Variants in GRTP1 observed in about 807,000 individuals in gnomAD.
GRTP1 encodes growth hormone regulated TBC protein 1.
A neutral mutation model predicts 38.1 loss-of-function variants in GRTP1; 56 were observed. That is an observed-to-expected ratio of 1.47 (90% CI 1.19 to 1.84). The LOEUF (loss-of-function observed/expected upper bound fraction) is 1.84. Among genes scored for constraint, GRTP1 ranks in the 40% most tolerant of loss-of-function variants. The probability of loss-of-function intolerance (pLI) is 0.00; values close to 1 mark genes in which losing one functional copy is unlikely to be tolerated. For synonymous variants in GRTP1, 217 were observed against 189.5 expected (o/e 1.14, Z -1.19); for missense variants, 506 against 453.9 (o/e 1.11, Z -1.04).
At position 113,363,879 on chromosome 13, in the gene GRTP1, C is replaced by T; in HGVS notation, c.64G>A (p.Asp22Asn). ...IDPYGFERPEDFDDAAYEKFF... is the reference protein window; with the variant it reads ...IDPYGFERPENFDDAAYEKFF... ...TTCTCGTAGGCGGCGTCGTCGAAGT[C>T]CTCAGGCCGCTCGAATCCGTACGGG... The change falls in exon 2 of 8, where the codon GAC (aspartate) becomes AAC (asparagine). Residue 22 changes from aspartate (D) to asparagine (N), a missense_variant. By Grantham distance (23) the Asp-to-Asn change is conservative. Transcript: ENST00000375431. 2 of 1,611,826 alleles carry T rather than the reference C, an allele frequency of 1.2e-6. No homozygotes were observed. The highest frequency in any genetic ancestry group is 8.5e-7 in the Non-Finnish European group (1 of 1,179,592).
chr13:113,362,946 G>A (rs1430342184), intron 2 of GRTP1, among the ~76,000 whole-genome samples: 1 of 152,180 alleles, frequency 6.6e-6, no homozygotes, highest in African/African-American at 2.4e-5. Context: ...GAACACACAG[G>A]GAAGTCGCCT....
At position 113,324,471 on chromosome 13, in the gene GRTP1, G is replaced by T. The variant is rs756049868; in HGVS notation, c.*17C>A. The T allele has an allele frequency of 5.6e-6, 9 of 1,595,240 alleles. No individual in the cohort carries two copies. Among genetic ancestry groups the T allele is most frequent in the Non-Finnish European group, 5.1e-6 (6 of 1,171,354 alleles). ...CATCGTCAGTGTAGAGACGAGCAAC[G>T]CAGGGGACAGGCACGCTCACCCCTG... On this transcript the variant is annotated 3_prime_UTR_variant, in exon 8 of 8. Coordinates refer to ENST00000375431, the MANE Select transcript of GRTP1 (RefSeq NM_024719.4).
rs112394466 is a variant in GRTP1, at chr13:113,364,006, C to G, written c.32+14G>C. The stretch of plus-strand genomic sequence containing the variant: ...CCGCAGCCGCCGGGGACGCCCGCAC[C>G]CCGCGCCACACACCTGGGGACCCGC... On this transcript the variant is annotated intron_variant, in intron 1 of 7. Transcript: ENST00000375431. The G allele has an allele frequency of 1.4e-6, 2 of 1,465,336 alleles. No individual in the cohort carries two copies. Among genetic ancestry groups the G allele is most frequent in the Non-Finnish European group, 9.0e-7 (1 of 1,112,218 alleles). The allele number at this position is 1,465,336 out of a possible 1,614,324, so 90.8% of individuals were successfully genotyped here. A position where few individuals can be genotyped will look rare whatever the true frequency, so the allele number is the denominator to read the frequency against.
chr13:113,339,382 C>T (rs1185751302), intron 5 of GRTP1: 2 of 152,208 alleles, frequency 1.3e-5, no homozygotes, highest in East Asian at 3.8e-4. Flanking sequence ...ATTATCAATG[C>T]CTTTTATACT....
chr13:113,333,856 T>TA, intron 5 of GRTP1, among the ~76,000 whole-genome samples: 2 of 133,812 alleles, frequency 1.5e-5, no homozygotes, highest in African/African-American at 2.7e-5. Flanking sequence ...TGTGTGTGTG[T>TA]GTGTGTGTGT....
At position 113,350,904 on chromosome 13, in the gene GRTP1, A is replaced by G. The variant is rs1566436118; in HGVS notation, c.410T>C (p.Leu137Pro). The G allele has an allele frequency of 6.2e-7, 1 of 1,611,514 alleles. No individual in the cohort carries two copies. The highest frequency in any genetic ancestry group is 1.1e-5 in the South Asian group (1 of 90,970). The change falls in exon 4 of 8, where the codon CTG becomes CCG. Residue 137 changes from leucine (L) to proline (P), a missense_variant. Transcript: ENST00000375431. ...KTTDPCLQRT[L>P]YNVLLAYGHH... is the part of the protein sequence containing the mutation. ...CCCATATGCCAGCAGCACATTGTAC[A>G]GGGTCCTCTGTAAGCAGGGGTCCGT... is the stretch of plus-strand genomic sequence containing the variant.
At position 113,324,874 on chromosome 13, in the gene GRTP1, T is replaced by C. The variant is rs899429258; in HGVS notation, c.922-297A>G. The C allele has an allele frequency of 1.4e-5, 13 of 939,188 alleles. No individual in the cohort carries two copies. The African/African-American group carries it at 1.6e-4, about 12-fold the overall frequency. The allele number at this position is 939,188 out of a possible 1,614,324, so 58.2% of individuals were successfully genotyped here. Reference sequence around the variant, plus strand: ...CAGAGTCTCACTCTGTTGCCCAGGCTGGAGTGCAGTGGCGCGATCTCGGCT... The same window carrying C: ...CAGAGTCTCACTCTGTTGCCCAGGCCGGAGTGCAGTGGCGCGATCTCGGCT... On this transcript the variant is annotated intron_variant, in intron 7 of 7. Transcript: ENST00000375431.
chr13:113,346,479 C>T (rs1458999715), intron 4 of GRTP1, among the ~76,000 whole-genome samples: 1 of 10,242 alleles, frequency 9.8e-5, no homozygotes, highest in African/African-American at 1.1e-4. Context: ...CCCGGGAGGA[C>T]CTCTGTGCCT....
intron 2 of GRTP1, 69 bp from the exon 3 acceptor site, chr13:113,355,550 A>G (rs1294063326): frequency 3.4e-6 from 5 of 1,465,936 alleles, no homozygotes; most frequent in Non-Finnish European, 4.5e-6. Context: ...CGTTCCTGCC[A>G]CACTTTCCAC....
intron 3 of GRTP1, chr13:113,351,639 T>C (rs2043268617): frequency 6.5e-6 from 1 of 152,812 alleles, no homozygotes; most frequent in Admixed American, 6.5e-5. Flanking sequence ...GGGACCCGGA[T>C]ACCACGTGGG....
chr13:113,324,783 TAAATG>T, intron 7 of GRTP1: 1 of 1,317,068 alleles, frequency 7.6e-7, no homozygotes, highest in Non-Finnish European at 9.6e-7. Context: ...TCAGAAATGT[TAAATG>T]AATCAAACGG....
intron 2 of GRTP1, 101 bp from the exon 3 acceptor site, chr13:113,355,582 A>C: frequency 7.5e-7 from 1 of 1,339,112 alleles, no homozygotes; most frequent in Non-Finnish European, 9.9e-7. Context: ...CTCTTCTTAA[A>C]TCAAATATTA....
In GRTP1 at chr13:113,343,788, G is replaced by T. The variant is rs769426874; in HGVS notation, c.562+1075C>A. The stretch of plus-strand genomic sequence containing the variant: ...GGCTCCAAACACTGGGGACTGGCCC[G>T]GCTGCCCCTCACGTCTCCTCTGCCC... On this transcript the variant is annotated intron_variant, in intron 5 of 7. Coordinates refer to ENST00000375431, the MANE Select transcript of GRTP1 (RefSeq NM_024719.4). This position sits in a 1 kb window ranked among gnomAD's most constrained non-coding sequence, Gnocchi z 4.8. Among the ~76,000 whole-genome samples the T allele has an allele frequency of 1.3e-5, 2 of 152,150 alleles. No homozygotes were observed. Among genetic ancestry groups the T allele is most frequent in the Non-Finnish European group, 2.9e-5 (2 of 68,028 alleles).
Position 113,325,672 on chromosome 13 carries a change from T to C in GRTP1, c.910A>G (p.Thr304Ala). 1 of 1,614,084 alleles carries C rather than the reference T, an allele frequency of 6.2e-7. No homozygotes were observed. Among genetic ancestry groups the C allele is most frequent in the Non-Finnish European group, 8.5e-7 (1 of 1,180,008 alleles). ...TKGSFVMECH[T>A]FMQKIFSEPG... ...GCAGCCCCACACACCTGCATAAACGTGTGACACTCCATCACGAAACTCCCT... is the reference window on the plus strand; with the variant it reads ...GCAGCCCCACACACCTGCATAAACGCGTGACACTCCATCACGAAACTCCCT... The change falls in exon 7 of 8, where the codon ACG becomes GCG. Residue 304 changes from threonine to alanine, a missense_variant. By Grantham distance (58) the Thr-to-Ala change is moderately conservative. Transcript: ENST00000375431.
Position 113,363,670 on chromosome 13 carries a change from C to A in GRTP1, c.181+92G>T, listed in dbSNP as rs1192804104. On this transcript the variant is annotated intron_variant, in intron 2 of 7. Transcript: ENST00000375431. ...GACCTGCCCGGAAAGGTTCCTCCCC[C>A]TCCCTCCGCTCCGGGAGCCCGGACT... The A allele has an allele frequency of 9.1e-6, 12 of 1,324,764 alleles. No homozygotes were observed. In the Admixed American group the frequency reaches 2.6e-4, roughly 28 times the overall value. 82.1% of individuals were successfully genotyped at this position (1,324,764 alleles called of 1,614,324 possible). A position where few individuals can be genotyped will look rare whatever the true frequency, so the allele number is the denominator to read the frequency against.
intron 7 of GRTP1, chr13:113,325,126 G>A (rs1033908842): frequency 8.8e-6 from 9 of 1,017,490 alleles, no homozygotes; most frequent in African/African-American, 5.2e-5. Context: ...CACCGCGCCC[G>A]GCCAACATGG....
intron 4 of GRTP1, among the ~76,000 whole-genome samples, chr13:113,347,928 G>A (rs9635127): frequency 0.61 from 79,951 of 130,202 alleles, 25,283 homozygotes; most frequent in Middle Eastern, 0.68. Flanking sequence ...GAACGGACCT[G>A]GGAGGACCTC....
rs765856667 is a variant in GRTP1, at chr13:113,348,583, G to A, written c.465+2266C>T. Among the ~76,000 whole-genome samples, 4 of 152,256 alleles carry A rather than the reference G, an allele frequency of 2.6e-5. No homozygotes were observed. Among genetic ancestry groups the A allele is most frequent in the African/African-American group, 4.8e-5 (2 of 41,554 alleles). Reference sequence around the variant, plus strand: ...AAAAGACTGTTGCAGATGTCATTACGGATGGGGTCATGGAGGAGTTGGTGG... The same window carrying A: ...AAAAGACTGTTGCAGATGTCATTACAGATGGGGTCATGGAGGAGTTGGTGG... On this transcript the variant is annotated intron_variant, in intron 4 of 7. Transcript: ENST00000375431. The surrounding 1 kb of genome is among the most constrained non-coding windows in gnomAD (Gnocchi z 4.8).
intron 2 of GRTP1, among the ~76,000 whole-genome samples, chr13:113,360,990 A>G (rs2043485042): frequency 6.6e-6 from 1 of 151,786 alleles, no homozygotes; most frequent in African/African-American, 2.4e-5. Context: ...AGTGCCTGTA[A>G]TCCCAGTTAC....
Sources: gnomAD v4.1 joint callset for allele counts (sites outside exome capture counted in the v4.1 genomes callset) on GRCh38, gnomAD v4.1.1 for gene constraint, Gnocchi (gnomAD v3.1) non-coding constraint, MANE v1.5 for transcripts, NCBI Gene and HGNC (gene_info 2026-07-23, HGNC 2026-07-21) for gene names.